LRRK1: variants seen among roughly 807,000 people sequenced by gnomAD.
The protein encoded by LRRK1 is leucine-rich repeat serine/threonine-protein kinase 1.
A neutral mutation model predicts 209.1 loss-of-function variants in LRRK1; 113 were observed. The observed-to-expected ratio is 0.54, with a 90% CI of 0.46 to 0.63. LRRK1 has a LOEUF of 0.63. Ranked by LOEUF, LRRK1 falls within the 30% of genes least tolerant of loss-of-function variation. The probability of loss-of-function intolerance (pLI) is 0.00; values close to 1 mark genes in which losing one functional copy is unlikely to be tolerated. For synonymous variants in LRRK1, 1,144 were observed against 1,099.7 expected (o/e 1.04, Z -0.80); for missense variants, 2,284 against 2,632.2 (o/e 0.87, Z 2.89).
chr15:100,956,525 G>T (rs1222919796), intron 2 of LRRK1, among the ~76,000 whole-genome samples: 1 of 145,030 alleles, frequency 6.9e-6, no homozygotes, highest in African/African-American at 2.6e-5. Context: ...GAGTGCAGTG[G>T]CACGATCTTG....
intron 20 of LRRK1, among the ~76,000 whole-genome samples, chr15:101,032,014 G>C (rs957492263): frequency 6.6e-6 from 1 of 152,208 alleles, no homozygotes; most frequent in Admixed American, 6.5e-5. Flanking sequence ...GATTACAGGG[G>C]TGAGCCACTG....
chr15:100,971,809 C>T (rs2141649967), intron 2 of LRRK1, among the ~76,000 whole-genome samples: 1 of 152,284 alleles, frequency 6.6e-6, no homozygotes. Flanking sequence ...TCTCTGTTAG[C>T]TGTTTTTCCC....
chr15:100,958,008 G>C (rs1054841000), intron 2 of LRRK1, among the ~76,000 whole-genome samples: 1 of 152,226 alleles, frequency 6.6e-6, no homozygotes, highest in Admixed American at 6.5e-5. Flanking sequence ...TGGGATTACA[G>C]GCAGCCACCA....
chr15:100,932,761 A>G (rs1049461162), intron 2 of LRRK1, among the ~76,000 whole-genome samples: 20 of 152,314 alleles, frequency 1.3e-4, no homozygotes, highest in African/African-American at 4.3e-4. Flanking sequence ...GCACCTCTCT[A>G]TTGCTGATCC....
intron 2 of LRRK1, among the ~76,000 whole-genome samples, chr15:100,967,520 T>C (rs1420401625): frequency 6.6e-6 from 1 of 151,030 alleles, no homozygotes. Context: ...CCTTTTTTCT[T>C]TCTGCAGAGC....
At chr15:100,951,039 C>G (rs546603042) in intron 2 of LRRK1, among the ~76,000 whole-genome samples, 1 of 152,312 alleles carries the variant, frequency 6.6e-6, no homozygotes, top group South Asian at 2.1e-4. Flanking sequence ...GGAGGCGGAG[C>G]TTGCAGGGAG....
chr15:101,051,769 G>C lies in LRRK1; in HGVS notation c.3498G>C (p.Pro1166=). ...TCATGGAGCAGTACGTGCCCTGCCC[G>C]GTCTGCGAGACAGCCTGGGCCCAGC... is the stretch of plus-strand genomic sequence containing the variant. ...TPLMEQYVPC[P]VCETAWAQHT... Residue 1166 remains proline, a synonymous_variant, in exon 24 of 34, where the codon CCG becomes CCC. Transcript: ENST00000388948. The C allele has an allele frequency of 1.2e-6, 2 of 1,614,020 alleles. No individual in the cohort carries two copies. Among genetic ancestry groups the C allele is most frequent in the Non-Finnish European group, 1.7e-6 (2 of 1,180,004 alleles).
rs752497934 is a variant in LRRK1 at position 101,053,079 on chromosome 15, G to C, written c.3847G>C (p.Val1283Leu). The part of the protein sequence containing the change: ...HIKKFKNFAN[V>L]PADTMLRHLR... ...CAAAAAATTCAAGAACTTTGCTAAC[G>C]TACCGGCAGGTAAGCGGGTCCCAGG... is the stretch of plus-strand genomic sequence containing the variant. The change falls in exon 25 of 34, where the codon GTA becomes CTA. Residue 1283 changes from valine to leucine, a missense_variant. Physicochemically the swap from Val to Leu is conservative, Grantham distance 32. This residue lies in a region of LRRK1 where 780 missense variants were observed against 985.2 expected (regional missense o/e 0.79). Coordinates refer to ENST00000388948, the MANE Select transcript of LRRK1 (RefSeq NM_024652.6). 7.5e-6 allele frequency: 12 copies of C among 1,606,514 alleles called. No individual in the cohort carries two copies. Among genetic ancestry groups the C allele is most frequent in the African/African-American group, 1.3e-5 (1 of 74,856 alleles).
intron 20 of LRRK1, among the ~76,000 whole-genome samples, chr15:101,034,951 C>T (rs552142983): frequency 5.9e-5 from 9 of 151,806 alleles, no homozygotes; most frequent in African/African-American, 1.9e-4. Context: ...TCTCCTTTTT[C>T]ATTACCAATT....
chr15:101,042,401 G>A (rs953820335), intron 20 of LRRK1, among the ~76,000 whole-genome samples: 7 of 151,890 alleles, frequency 4.6e-5, no homozygotes, highest in Admixed American at 6.5e-5. Flanking sequence ...CTGACCCCTC[G>A]CTGAGGACCT....
chr15:101,010,446 G>T lies in LRRK1; in HGVS notation c.990-4G>T. On this transcript the variant is annotated splice_polypyrimidine_tract_variant and splice_region_variant and intron_variant, in intron 7 of 33. Coordinates refer to ENST00000388948, the MANE Select transcript of LRRK1 (RefSeq NM_024652.6). ...ATGCCTGCCTTCCTTCTTCTCCATC[G>T]CAGGCTACTTGAAATTGACATTTCC... The T allele has an allele frequency of 6.2e-7, 1 of 1,608,230 alleles. No homozygotes were observed. The highest frequency in any genetic ancestry group is 8.5e-7 in the Non-Finnish European group (1 of 1,178,326).
At position 100,989,306 on chromosome 15, in the gene LRRK1, A is replaced by C; in HGVS notation, c.670A>C (p.Ile224Leu). Residue 224 changes from isoleucine (I) to leucine (L), a missense_variant, in exon 6 of 34, where the codon ATC becomes CTC. By Grantham distance (5) the Ile-to-Leu change is conservative. Transcript: ENST00000388948. ...LRHGAYFCSY[I>L]LLDSPDPSKH... ...GCATGGGGCCTATTTCTGTTCCTAC[A>C]TCTTGCTGGATAGTCCTGACCCCAG... is the stretch of plus-strand genomic sequence containing the variant. The C allele has an allele frequency of 6.2e-7, 1 of 1,614,112 alleles. No homozygotes were observed. Among genetic ancestry groups the C allele is most frequent in the Non-Finnish European group, 8.5e-7 (1 of 1,179,928 alleles).
In LRRK1 at chr15:100,943,958, G is replaced by A. The variant is rs1596177743; in HGVS notation, c.97+19229G>A. On this transcript the variant is annotated intron_variant, in intron 2 of 33. Coordinates refer to ENST00000388948, the MANE Select transcript of LRRK1 (RefSeq NM_024652.6). ...CTCCCAAAGTGCTGGGATTACAGGTGTGAGCCACCACACCCGGTCGTGATC... is the reference window on the plus strand; with the variant it reads ...CTCCCAAAGTGCTGGGATTACAGGTATGAGCCACCACACCCGGTCGTGATC... Among the ~76,000 whole-genome samples, 3 of 152,234 alleles carry A rather than the reference G, an allele frequency of 2.0e-5. No homozygotes were observed. The South Asian group carries it at 6.2e-4, about 32-fold the overall frequency.
At chr15:101,010,387 A>T in intron 7 of LRRK1, 63 bp from the exon 8 acceptor site, 1 of 1,552,868 alleles carries the variant, frequency 6.4e-7, no homozygotes, top group Non-Finnish European at 8.7e-7. Flanking sequence ...TTATAGAAAA[A>T]TATGTAAATT....
intron 20 of LRRK1, among the ~76,000 whole-genome samples, chr15:101,038,243 T>TA (rs2034578546): frequency 6.6e-6 from 1 of 152,058 alleles, no homozygotes; most frequent in Non-Finnish European, 1.5e-5. Context: ...GGATGAGAGA[T>TA]AAAAAACTAC....
intron 20 of LRRK1, among the ~76,000 whole-genome samples, chr15:101,042,088 A>G (rs912845011): frequency 1.3e-5 from 2 of 152,200 alleles, no homozygotes; most frequent in African/African-American, 4.8e-5. Context: ...ATAGTCTTTT[A>G]AGAAATTAAG....
At chr15:100,985,140 ATG>A (rs376940587) in intron 4 of LRRK1, among the ~76,000 whole-genome samples, 1,207 of 22,260 alleles carry the variant, frequency 0.054, 17 homozygotes, top group African/African-American at 0.081. Flanking sequence ...TGTTCCCCTC[ATG>A]TGTCTGAACA....
Position 101,009,021 on chromosome 15 carries a change from A to T in LRRK1, c.947A>T (p.Glu316Val). The change falls in exon 7 of 34, where the codon GAG becomes GTG. Residue 316 changes from glutamate to valine, a missense_variant. By Grantham distance (121) the Glu-to-Val change is moderately radical. Transcript: ENST00000388948. ...AACCTCTCCGACAACCACCTGGGGG[A>T]GCTGCCTGGCGTGCAGTCATCGGAC... ...KLNLSDNHLGELPGVQSSDEI... is the reference protein window; with the variant it reads ...KLNLSDNHLGVLPGVQSSDEI... 6.2e-7 allele frequency: 1 copy of T among 1,614,076 alleles called. No individual in the cohort carries two copies. Among genetic ancestry groups the T allele is most frequent in the South Asian group, 1.1e-5 (1 of 91,066 alleles).
chr15:100,987,038 C>T (rs2031913385), intron 4 of LRRK1, among the ~76,000 whole-genome samples: 1 of 152,208 alleles, frequency 6.6e-6, no homozygotes, highest in Non-Finnish European at 1.5e-5. Flanking sequence ...CTGTGTTTCT[C>T]TTACCCAGAT....
Sources: gnomAD v4.1 joint callset for allele counts (sites outside exome capture counted in the v4.1 genomes callset) on GRCh38, gnomAD v4.1.1 for gene constraint, gnomAD v4.1.1 regional missense constraint, MANE v1.5 for transcripts, NCBI Gene and HGNC (gene_info 2026-07-23, HGNC 2026-07-21) for gene names.